Variants in EGFLAM observed in about 807,000 individuals in gnomAD.
EGFLAM encodes pikachurin.
Under a neutral mutation model 113.1 loss-of-function variants are expected in EGFLAM, and 79 were observed. The observed-to-expected ratio is 0.70, with a 90% CI of 0.58 to 0.84. The LOEUF is 0.84. Ranked by LOEUF, EGFLAM falls within the 40% of genes least tolerant of loss-of-function variation. EGFLAM has a pLI of 0.00. For synonymous variants in EGFLAM, 504 were observed against 487.6 expected, an observed-to-expected ratio of 1.03 and a Z score of -0.44; for missense variants, 1,265 against 1,291.6, an observed-to-expected ratio of 0.98 and a Z score of 0.32.
chr5:38,279,593 A>G (rs1308860895), intron 1 of EGFLAM, among the ~76,000 whole-genome samples: 1 of 152,230 alleles, frequency 6.6e-6, no homozygotes, highest in African/African-American at 2.4e-5. Flanking sequence ...GGAAGGCATT[A>G]TGTTAAGTGA....
intron 5 of EGFLAM, among the ~76,000 whole-genome samples, chr5:38,354,905 C>T (rs748071676): frequency 6.6e-6 from 1 of 151,972 alleles, no homozygotes; most frequent in Non-Finnish European, 1.5e-5. Flanking sequence ...GTGTGCACAC[C>T]TGAAAGTAGA....
chr5:38,409,400 GCTGCAGGTGCTGTTGAATGTACCTGGCA>G (rs1561075208), intron 10 of EGFLAM, among the ~76,000 whole-genome samples: 21 of 152,142 alleles, frequency 1.4e-4, no homozygotes, highest in Admixed American at 9.2e-4. Context: ...CATACCTGAT[GCTGCAGGTGCTGTTGAATGTACCTGGCA>G]CTGCAGGTGC....
At chr5:38,376,804 G>A (rs1052465275) in intron 6 of EGFLAM, among the ~76,000 whole-genome samples, 3 of 152,088 alleles carry the variant, frequency 2.0e-5, no homozygotes, top group Non-Finnish European at 2.9e-5. Flanking sequence ...CTGAGTAGCT[G>A]GGACTATAGG....
intron 10 of EGFLAM, among the ~76,000 whole-genome samples, chr5:38,410,786 G>T (rs1741453762): frequency 6.6e-6 from 1 of 152,174 alleles, no homozygotes; most frequent in Non-Finnish European, 1.5e-5. Flanking sequence ...CTGTATTGAG[G>T]TACAGCTAAG....
At chr5:38,456,223 G>T (rs1208262749) in intron 19 of EGFLAM, among the ~76,000 whole-genome samples, 1 of 152,150 alleles carries the variant, frequency 6.6e-6, no homozygotes, top group Non-Finnish European at 1.5e-5. Context: ...ATTCTTCAGG[G>T]AAGGGATTAT....
At chr5:38,411,106 C>T (rs1398309772) in intron 10 of EGFLAM, among the ~76,000 whole-genome samples, 3 of 152,108 alleles carry the variant, frequency 2.0e-5, no homozygotes, top group Non-Finnish European at 4.4e-5. Flanking sequence ...AAATTGCTTC[C>T]GAGCAGAAGT....
At chr5:38,394,698 C>G (rs1460582087) in intron 6 of EGFLAM, among the ~76,000 whole-genome samples, 1 of 143,566 alleles carries the variant, frequency 7.0e-6, no homozygotes, top group Non-Finnish European at 1.5e-5. Context: ...CGTGAGCCAC[C>G]GCGCCGGGCC....
chr5:38,411,978 T>G (rs112341758), intron 10 of EGFLAM, among the ~76,000 whole-genome samples: 1,839 of 152,110 alleles, frequency 0.012, 45 homozygotes, highest in African/African-American at 0.042. Context: ...CTTTGTGTTT[T>G]TAGTAGAAAC....
At chr5:38,459,205 A>G (rs1476310472) in intron 20 of EGFLAM, among the ~76,000 whole-genome samples, 5 of 151,738 alleles carry the variant, frequency 3.3e-5, no homozygotes, top group Non-Finnish European at 7.4e-5. Context: ...CTGCCTTGCT[A>G]TGTTGCCAGG....
intron 1 of EGFLAM, chr5:38,285,971 TC>T (rs1187628540): frequency 1.3e-5 from 2 of 152,166 alleles, no homozygotes; most frequent in African/African-American, 4.8e-5. Context: ...AGGTAGACTT[TC>T]TTTTGCTCAC....
At chr5:38,433,047 G>T (rs1579924535) in intron 15 of EGFLAM, among the ~76,000 whole-genome samples, 1 of 152,194 alleles carries the variant, frequency 6.6e-6, no homozygotes, top group Non-Finnish European at 1.5e-5. Flanking sequence ...TGTGAACCAG[G>T]AGTGGGAAGG....
chr5:38,428,951 T>G (rs1326876519), intron 14 of EGFLAM, among the ~76,000 whole-genome samples: 1 of 152,222 alleles, frequency 6.6e-6, no homozygotes, highest in Non-Finnish European at 1.5e-5. Context: ...TATCCCCTCC[T>G]GAGCGTAAGC....
intron 1 of EGFLAM, among the ~76,000 whole-genome samples, chr5:38,268,776 T>C (rs185731657): frequency 1.3e-5 from 2 of 152,372 alleles, no homozygotes; most frequent in Admixed American, 6.5e-5. Flanking sequence ...AACAGTCAAA[T>C]TGATTTAGGC....
chr5:38,363,194 A>G (rs1739972207), intron 5 of EGFLAM, among the ~76,000 whole-genome samples: 1 of 152,060 alleles, frequency 6.6e-6, no homozygotes, highest in South Asian at 2.1e-4. Flanking sequence ...ATCCTGCATA[A>G]AACCAGTATG....
At chr5:38,441,311 CTTGCCTTCCAT>C (rs1196323283) in intron 17 of EGFLAM, among the ~76,000 whole-genome samples, 1 of 152,170 alleles carries the variant, frequency 6.6e-6, no homozygotes, top group Non-Finnish European at 1.5e-5. Flanking sequence ...TGGGGGTCCC[CTTGCCTTCCAT>C]TTGGTGGTTT....
chr5:38,315,858 C>A (rs1037259204), intron 1 of EGFLAM, among the ~76,000 whole-genome samples: 4 of 152,040 alleles, frequency 2.6e-5, no homozygotes, highest in Non-Finnish European at 5.9e-5. Flanking sequence ...GGTGGACCAC[C>A]TGAGGTCAGG....
At chr5:38,336,303 G>T (rs2111941636) in intron 1 of EGFLAM, among the ~76,000 whole-genome samples, 1 of 152,272 alleles carries the variant, frequency 6.6e-6, no homozygotes, top group East Asian at 1.9e-4. Context: ...GCTGGGTGCG[G>T]TGGCTCACGC....
chr5:38,285,335 AC>A (rs1380357747), intron 1 of EGFLAM, among the ~76,000 whole-genome samples: 2 of 152,186 alleles, frequency 1.3e-5, no homozygotes, highest in Admixed American at 6.5e-5. Flanking sequence ...TTTTACAGAA[AC>A]TTTTTCTTGT....
At chr5:38,287,791 A>G (rs573245485) in intron 1 of EGFLAM, among the ~76,000 whole-genome samples, 19 of 152,338 alleles carry the variant, frequency 1.2e-4, no homozygotes, top group Non-Finnish European at 2.1e-4. Context: ...GGAAATGAGT[A>G]TCTTTTATGC....
Sources: gnomAD v4.1 joint callset for allele counts (sites outside exome capture counted in the v4.1 genomes callset) on GRCh38, gnomAD v4.1.1 for gene constraint, MANE v1.5 for transcripts, NCBI Gene and HGNC (gene_info 2026-07-23, HGNC 2026-07-21) for gene names.